Variants in GBP5 observed in about 807,000 individuals in gnomAD.
GBP5 encodes the protein guanylate binding protein 5.
GBP5 carries 48 observed loss-of-function variants against 58.2 expected under a neutral mutation model. That is an observed-to-expected ratio of 0.83 (90% CI 0.65 to 1.05). The LOEUF is 1.05. Ranked by LOEUF, GBP5 falls within the 50% of genes least tolerant of loss-of-function variation. The pLI, the probability that GBP5 is intolerant of heterozygous loss-of-function variation, is 0.00. For missense variants in GBP5, 714 were observed against 686.8 expected (o/e 1.04, Z -0.44); for synonymous variants, 248 against 251.8 (o/e 0.98, Z 0.14).
intron 9 of GBP5, 67 bp downstream of exon 9, chr1:89,263,669 C>T: frequency 9.2e-7 from 1 of 1,090,752 alleles, no homozygotes; most frequent in Non-Finnish European, 1.4e-6. Context: ...TGGCAATTTT[C>T]CTGTTCTCAC....
chr1:89,267,577 C>A (rs115118156), intron 4 of GBP5, 51 bp from the exon 5 acceptor site: 49 of 1,111,892 alleles, frequency 4.4e-5, no homozygotes, highest in Non-Finnish European at 6.5e-5. Flanking sequence ...CCCAGATGAG[C>A]GATATTTAAA....
chr1:89,257,502 A>G lies in GBP5; in HGVS notation c.*3202T>C, dbSNP rs1445634500. ...CAAGATGGTTATTAATGTGGGTTCT[A>G]AATTCAAAAGGCCTTCTGTGGTACT... is the stretch of plus-strand genomic sequence containing the variant. On this transcript the variant is annotated 3_prime_UTR_variant, in exon 12 of 12. Transcript: ENST00000370459. 6.6e-6 allele frequency among the ~76,000 whole-genome samples: 1 copy of G among 152,218 alleles called. No homozygotes were observed. Among genetic ancestry groups the G allele is most frequent in the African/African-American group, 2.4e-5 (1 of 41,462 alleles).
At chr1:89,270,265 CT>C (rs1402742599) in intron 2 of GBP5, 1 of 151,932 alleles carries the variant, frequency 6.6e-6, no homozygotes, top group Non-Finnish European at 1.5e-5. Context: ...CCTAAAGAGT[CT>C]CTGGTTAAAA....
intron 2 of GBP5, chr1:89,270,025 A>G (rs759096658): frequency 6.6e-6 from 1 of 152,310 alleles, no homozygotes; most frequent in Non-Finnish European, 1.5e-5. Context: ...ATGTCCAGTC[A>G]AACTGCATTA....
At chr1:89,266,716 A>C in intron 6 of GBP5, 128 bp from the exon 7 acceptor site, 1 of 937,646 alleles carries the variant, frequency 1.1e-6, no homozygotes, top group East Asian at 2.6e-5. Flanking sequence ...CTAAGTAAAA[A>C]GCAAAATGGT....
At chr1:89,267,182 A>C in intron 5 of GBP5, 29 bp from the exon 6 acceptor site, 1 of 1,541,638 alleles carries the variant, frequency 6.5e-7, no homozygotes, top group South Asian at 1.2e-5. Context: ...AAACTGGCAG[A>C]AATAGGACCA....
intron 2 of GBP5, chr1:89,270,492 A>G (rs1413146500): frequency 6.6e-6 from 1 of 152,206 alleles, no homozygotes; most frequent in African/African-American, 2.4e-5. Context: ...AAAAACTGTC[A>G]TTTTACAATT....
In GBP5 at chr1:89,268,800, C is replaced by T. The variant is rs766822656; in HGVS notation, c.247G>A (p.Val83Met). Reference protein sequence around the residue: ...SHTKGIWIWCVPHPNWPNHTL... With the variant: ...SHTKGIWIWCMPHPNWPNHTL... The stretch of plus-strand genomic sequence containing the variant: ...TGATTTGGCCAGTTGGGATGAGGCA[C>T]ACACCATATCCAAATTCCCTTGGTG... Residue 83 changes from valine to methionine, a missense_variant, in exon 4 of 12, where the codon GTG (valine) becomes ATG (methionine). Physicochemically the swap from Val to Met is conservative, Grantham distance 21. Coordinates refer to ENST00000370459, the MANE Select transcript of GBP5 (RefSeq NM_052942.5). The T allele has an allele frequency of 1.2e-6, 2 of 1,613,766 alleles. No homozygotes were observed. The highest frequency in any genetic ancestry group is 2.7e-5 in the African/African-American group (2 of 74,886).
chr1:89,264,851 C>T lies in GBP5; in HGVS notation c.984G>A (p.Lys328=), dbSNP rs563245352. 6.2e-6 allele frequency: 10 copies of T among 1,614,198 alleles called. No homozygotes were observed. The East Asian group carries it at 2.2e-4, about 36-fold the overall frequency. Residue 328 remains lysine (K), a synonymous_variant, in exon 8 of 12, where the codon AAG becomes AAA. Coordinates refer to ENST00000370459, the MANE Select transcript of GBP5 (RefSeq NM_052942.5). ...TTTGCTGGTCATAGTGGGCAATGGC[C>T]TTTTGCACTGCAGCTGAGTTCTCTC... ...AQRENSAAVQ[K]AIAHYDQQMG...
chr1:89,259,728 A>C lies in GBP5; in HGVS notation c.*976T>G, dbSNP rs1387126902. On this transcript the variant is annotated 3_prime_UTR_variant, in exon 12 of 12. Coordinates refer to ENST00000370459, the MANE Select transcript of GBP5 (RefSeq NM_052942.5). The stretch of plus-strand genomic sequence containing the variant: ...GTGCCACTATAACCACCCCTAAGCT[A>C]AACCACATCCTGGTACCCTGAGCCA... 1.3e-5 allele frequency: 2 copies of C among 151,914 alleles called. No homozygotes were observed. Among genetic ancestry groups the C allele is most frequent in the African/African-American group, 4.8e-5 (2 of 41,310 alleles). The allele number at this position is 151,914 out of a possible 1,614,324, so 9.4% of individuals were successfully genotyped here.
rs756430600 is a variant in GBP5 at position 89,264,674 on chromosome 1, C to T, written c.1149+12G>A. ...GACCTTAATCCCCATGAACTAGAAA[C>T]AAAAATATCACCTCCAATTCTTTCT... On this transcript the variant is annotated intron_variant, in intron 8 of 11. Transcript: ENST00000370459. 6.2e-7 allele frequency: 1 copy of T among 1,609,474 alleles called. No homozygotes were observed. Among genetic ancestry groups the T allele is most frequent in the South Asian group, 1.1e-5 (1 of 90,998 alleles).
rs979499214 is a variant in GBP5 at position 89,267,519 on chromosome 1, T to C, written c.326A>G (p.Asn109Ser). Residue 109 changes from asparagine (N) to serine (S), a missense_variant, in exon 5 of 12, where the codon AAC becomes AGC. Asn to Ser is a conservative substitution (Grantham distance 46, BLOSUM62 1). Transcript: ENST00000370459. ...EGLGDVEKAD[N>S]KNDIQIFALA... ...TGCAAAGATCTGGATATCATTCTTG[T>C]TGTCAGCCTAGAAGTCAGACCAAAT... 1.9e-6 allele frequency: 3 copies of C among 1,612,208 alleles called. No individual in the cohort carries two copies. Among genetic ancestry groups the C allele is most frequent in the Admixed American group, 3.3e-5 (2 of 59,998 alleles).
At chr1:89,269,235 A>G (rs1192472075) in intron 3 of GBP5, 131 bp downstream of exon 3, 4 of 873,148 alleles carry the variant, frequency 4.6e-6, no homozygotes, top group Middle Eastern at 3.7e-4. Context: ...AGATAAAAAG[A>G]CCAGCTGTAG....
chr1:89,266,276 G>A (rs12729209), intron 7 of GBP5, 70 bp downstream of exon 7: 703,052 of 1,308,224 alleles, frequency 0.54, 194,818 homozygotes, highest in Non-Finnish European at 0.57. Context: ...ACAATGCAAG[G>A]ATAATCTTAT....
chr1:89,270,404 T>C lies in GBP5; in HGVS notation c.-20+351A>G, dbSNP rs1195983069. 4 of 152,364 alleles carry C rather than the reference T, an allele frequency of 2.6e-5. No individual in the cohort carries two copies. In the South Asian group the frequency reaches 6.2e-4, roughly 24 times the overall value. 9.4% of individuals were successfully genotyped at this position (152,364 alleles called of 1,614,324 possible). ...TTTACTAAGGATGCTAAAACTTCACTATCCGCTTGACGAGTTCTTTCACTA... is the reference window on the plus strand; with the variant it reads ...TTTACTAAGGATGCTAAAACTTCACCATCCGCTTGACGAGTTCTTTCACTA... On this transcript the variant is annotated intron_variant, in intron 2 of 11. Coordinates refer to ENST00000370459, the MANE Select transcript of GBP5 (RefSeq NM_052942.5).
In GBP5 at chr1:89,257,979, A is replaced by G. The variant is rs1649848613; in HGVS notation, c.*2725T>C. On this transcript the variant is annotated 3_prime_UTR_variant, in exon 12 of 12. Coordinates refer to ENST00000370459, the MANE Select transcript of GBP5 (RefSeq NM_052942.5). ...TAAAACTAGATCAGTTGATTTCACA[A>G]CAGTAAGACAAAGAAAGTCAGAAAA... 6.6e-6 allele frequency among the ~76,000 whole-genome samples: 1 copy of G among 152,254 alleles called. No homozygotes were observed. The highest frequency in any genetic ancestry group is 2.4e-5 in the African/African-American group (1 of 41,468).
chr1:89,262,788 AGCAACCCGGAAAACAT>A lies in GBP5; in HGVS notation c.1363-19_1363-4del, dbSNP rs1650060739. ...TATTTCTGCAGAACTTCTTCAGCCT[AGCAACCCGGAAAACAT>A]GCAGTTAGATGCAGGAAATGGTGAT... On this transcript the variant is annotated splice_polypyrimidine_tract_variant and splice_region_variant and intron_variant, in intron 9 of 11. Transcript: ENST00000370459. 6.5e-7 allele frequency: 1 copy of A among 1,541,630 alleles called. No individual in the cohort carries two copies. The highest frequency in any genetic ancestry group is 1.4e-5 in the African/African-American group (1 of 71,120).
intron 7 of GBP5, 47 bp from the exon 8 acceptor site, chr1:89,265,013 C>T: frequency 1.3e-6 from 2 of 1,528,686 alleles, no homozygotes; most frequent in Non-Finnish European, 1.8e-6. Flanking sequence ...AGGAAGAAGA[C>T]ATGATTGATA....
chr1:89,269,977 T>C (rs1053908991), intron 2 of GBP5: 1 of 152,750 alleles, frequency 6.5e-6, no homozygotes, highest in African/African-American at 2.4e-5. Context: ...CACTGTTCCT[T>C]TTACTTTGTG....
Sources: allele counts gnomAD v4.1 joint callset (sites outside exome capture counted in the v4.1 genomes callset), GRCh38; gene constraint gnomAD v4.1.1; transcripts MANE v1.5; gene names NCBI Gene and HGNC (gene_info 2026-07-23, HGNC 2026-07-21).